The following RNF139 variants were observed in gnomAD, a reference collection of about 807,000 sequenced individuals.
RNF139 encodes the protein E3 ubiquitin-protein ligase RNF139.
In RNF139, 15 loss-of-function variants were observed where a neutral mutation model predicts 49.5. That is an observed-to-expected ratio of 0.30 (90% CI 0.20 to 0.47). The LOEUF (loss-of-function observed/expected upper bound fraction) is 0.47, where lower values mean the gene tolerates loss of function less well. Among genes scored for constraint, RNF139 ranks in the 20% least tolerant of loss-of-function variants. The probability of loss-of-function intolerance (pLI) is 1.00; values close to 1 mark genes in which losing one functional copy is unlikely to be tolerated. For synonymous variants in RNF139, 325 were observed against 300.9 expected, an observed-to-expected ratio of 1.08 and a Z score of -0.83; for missense variants, 619 against 806.3, an observed-to-expected ratio of 0.77 and a Z score of 2.81.
intron 1 of RNF139, among the ~76,000 whole-genome samples, chr8:124,484,225 A>AT: frequency 6.6e-6 from 1 of 152,276 alleles, no homozygotes; most frequent in Middle Eastern, 3.4e-3. Flanking sequence ...TGGAGCACTG[A>AT]TGTGTGTGTG....
intron 1 of RNF139, among the ~76,000 whole-genome samples, chr8:124,478,632 T>C (rs532714256): frequency 3.3e-5 from 5 of 149,952 alleles, no homozygotes; most frequent in African/African-American, 1.2e-4. Context: ...TCAAAAAAAA[T>C]TTATCAGATT....
chr8:124,476,781 A>T (rs1192052901), intron 1 of RNF139, among the ~76,000 whole-genome samples: 3 of 152,224 alleles, frequency 2.0e-5, no homozygotes, highest in African/African-American at 7.2e-5. Flanking sequence ...AGATTCTGTG[A>T]GAATCCCTTT....
intron 1 of RNF139, among the ~76,000 whole-genome samples, chr8:124,477,745 C>T (rs1034137404): frequency 2.0e-5 from 3 of 152,050 alleles, no homozygotes; most frequent in Admixed American, 2.0e-4. Context: ...GAAACTCAAC[C>T]CAGAGCAGCA....
At position 124,486,129 on chromosome 8, in the gene RNF139, G is replaced by C. The variant is rs1167036699; in HGVS notation, c.480G>C (p.Leu160Phe). 1.9e-6 allele frequency: 3 copies of C among 1,613,954 alleles called. No homozygotes were observed. Among genetic ancestry groups the C allele is most frequent in the African/African-American group, 1.3e-5 (1 of 74,900 alleles). The change falls in exon 2 of 2, where the codon TTG (leucine) becomes TTC (phenylalanine). Residue 160 changes from leucine to phenylalanine, a missense_variant. Leu to Phe is a conservative substitution (Grantham distance 22). Coordinates refer to ENST00000303545, the MANE Select transcript of RNF139 (RefSeq NM_007218.4). The stretch of plus-strand genomic sequence containing the variant: ...CACAATTAATTATTTTGGATCTCTT[G>C]GTTCCTGTAATAGGCTTAATCACAG... The part of the protein sequence containing the change: ...IYSQLIILDL[L>F]VPVIGLITEL...
At position 124,487,740 on chromosome 8, in the gene RNF139, CAA is replaced by C. The variant is rs1816566529; in HGVS notation, c.*100_*101del. 2 of 1,199,152 alleles carry C rather than the reference CAA, an allele frequency of 1.7e-6. No homozygotes were observed. Among genetic ancestry groups the C allele is most frequent in the Non-Finnish European group, 2.3e-6 (2 of 868,856 alleles). 74.3% of individuals were successfully genotyped at this position (1,199,152 alleles called of 1,614,324 possible). ...TTCACCTTCAGTGTGTAACCAAGCACAAAAACAGTATCAATGTTGAATCTGTG... is the reference window on the plus strand; with the variant it reads ...TTCACCTTCAGTGTGTAACCAAGCACAAACAGTATCAATGTTGAATCTGTG... On this transcript the variant is annotated 3_prime_UTR_variant, in exon 2 of 2. Coordinates refer to ENST00000303545, the MANE Select transcript of RNF139 (RefSeq NM_007218.4).
rs1443190883 is a variant in RNF139, at chr8:124,482,943, A to AT, written c.182-2888_182-2887insT. On this transcript the variant is annotated intron_variant, in intron 1 of 1. Coordinates refer to ENST00000303545, the MANE Select transcript of RNF139 (RefSeq NM_007218.4). ...CTCCATTAAAAAAAATATAAAAAAA[A>AT]ATATATATATATATAATATATATAT... 7.9e-4 allele frequency among the ~76,000 whole-genome samples: 75 copies of AT among 94,594 alleles called. 7 individuals carry two copies. The South Asian group carries it at 9.5e-3, about 12-fold the overall frequency. The allele number at this position is 94,594 out of a possible 152,430, so 62.1% of individuals were successfully genotyped here.
chr8:124,486,003 G>A lies in RNF139; in HGVS notation c.354G>A (p.Leu118=), dbSNP rs199713239. ...ACACGTCAGCTTTTGGAATTGAGCT[G>A]CTTCCTCGAAAAGGTCCCTCGCTGT... ...AYNTSAFGIE[L]LPRKGPSLWM... is the part of the protein sequence containing the mutation. The change falls in exon 2 of 2, where the codon CTG becomes CTA. Residue 118 remains leucine (L), a synonymous_variant. Coordinates refer to ENST00000303545, the MANE Select transcript of RNF139 (RefSeq NM_007218.4). 3 of 1,614,148 alleles carry A rather than the reference G, an allele frequency of 1.9e-6. No individual in the cohort carries two copies. The East Asian group carries it at 6.7e-5, about 36-fold the overall frequency.
rs1459365344 is a variant in RNF139 at position 124,486,927 on chromosome 8, T to G, written c.1278T>G (p.Phe426Leu). The G allele has an allele frequency of 6.2e-7, 1 of 1,613,990 alleles. No homozygotes were observed. Among genetic ancestry groups the G allele is most frequent in the Non-Finnish European group, 8.5e-7 (1 of 1,180,022 alleles). Residue 426 changes from phenylalanine (F) to leucine (L), a missense_variant, in exon 2 of 2, where the codon TTT (phenylalanine) becomes TTG (leucine). By Grantham distance (22) the Phe-to-Leu change is conservative (BLOSUM62 0). This residue lies in a region of RNF139 where 530 missense variants were observed against 728.9 expected (regional missense o/e 0.73). Transcript: ENST00000303545. ...CATGGTTGTTTGCAGTTACAGCATT[T>G]TGTGTGGAACTGTGCTTAAAAGTAA... is the stretch of plus-strand genomic sequence containing the variant. ...LNTWLFAVTA[F>L]CVELCLKVIV...
chr8:124,483,071 T>TAA (rs1816468308), intron 1 of RNF139, among the ~76,000 whole-genome samples: 2 of 68,920 alleles, frequency 2.9e-5, no homozygotes, highest in Admixed American at 1.9e-4. Flanking sequence ...AATATATATA[T>TAA]ATTATTTAAA....
intron 1 of RNF139, among the ~76,000 whole-genome samples, chr8:124,482,543 T>G (rs753606339): frequency 2.6e-5 from 4 of 152,106 alleles, no homozygotes; most frequent in African/African-American, 9.7e-5. Flanking sequence ...TGGTTTTCCA[T>G]GTAGAGAATG....
intron 1 of RNF139, among the ~76,000 whole-genome samples, chr8:124,481,694 T>G (rs1156982265): frequency 6.6e-6 from 1 of 152,042 alleles, no homozygotes; most frequent in East Asian, 1.9e-4. Flanking sequence ...TTCTCAAAAT[T>G]TTTTATAAAG....
In RNF139 at chr8:124,487,432, A is replaced by G. The variant is rs1402344792; in HGVS notation, c.1783A>G (p.Ile595Val). ...TCAGAAAGTATACATCGAAGATGAT[A>G]TCAAGGATAATTCAAATGTATCTAA... ...CHQKVYIEDDIKDNSNVSNNN... is the reference protein window; with the variant it reads ...CHQKVYIEDDVKDNSNVSNNN... Residue 595 changes from isoleucine (I) to valine (V), a missense_variant, in exon 2 of 2, where the codon ATC (isoleucine) becomes GTC (valine). Ile to Val is a conservative substitution (Grantham distance 29). Around this residue, in one of 2 missense-constraint regions of RNF139, gnomAD observed 530 missense variants for 728.9 expected, o/e 0.73. Transcript: ENST00000303545. 1.2e-6 allele frequency: 2 copies of G among 1,614,002 alleles called. No homozygotes were observed. The highest frequency in any genetic ancestry group is 1.3e-5 in the African/African-American group (1 of 74,936).
At position 124,476,646 on chromosome 8, in the gene RNF139, A is replaced by C. The variant is rs141588148; in HGVS notation, c.181+1356A>C. ...CTAATTCCAGCCTTTCCTACTTGCC[A>C]CTGCTAACGTATACCACCACCATAA... On this transcript the variant is annotated intron_variant, in intron 1 of 1. Transcript: ENST00000303545. 8.9e-3 allele frequency among the ~76,000 whole-genome samples: 1,359 copies of C among 152,284 alleles called. 63 individuals carry two copies. The highest frequency in any genetic ancestry group is 0.07 in the Admixed American group (1,073 of 15,284).
At chr8:124,475,656 T>C (rs1816302115) in intron 1 of RNF139, among the ~76,000 whole-genome samples, 1 of 152,238 alleles carries the variant, frequency 6.6e-6, no homozygotes, top group Non-Finnish European at 1.5e-5. Context: ...GTGTGTGACC[T>C]TGGACTTCTG....
At position 124,487,414 on chromosome 8, in the gene RNF139, G is replaced by T. The variant is rs1364802790; in HGVS notation, c.1765G>T (p.Val589Leu). 2.5e-6 allele frequency: 4 copies of T among 1,613,986 alleles called. No homozygotes were observed. The African/African-American group carries it at 4.0e-5, about 16-fold the overall frequency. Residue 589 changes from valine to leucine, a missense_variant, in exon 2 of 2, where the codon GTA (valine) becomes TTA (leucine). Val to Leu is a conservative substitution (Grantham distance 32, BLOSUM62 1). Around this residue, in one of 2 missense-constraint regions of RNF139, gnomAD observed 530 missense variants for 728.9 expected, o/e 0.73. Coordinates refer to ENST00000303545, the MANE Select transcript of RNF139 (RefSeq NM_007218.4). The part of the protein sequence containing the change: ...QDTCPMCHQK[V>L]YIEDDIKDNS... ...TACTTGTCCAATGTGCCATCAGAAA[G>T]TATACATCGAAGATGATATCAAGGA...
At chr8:124,482,091 G>A (rs1816423446) in intron 1 of RNF139, among the ~76,000 whole-genome samples, 1 of 152,076 alleles carries the variant, frequency 6.6e-6, no homozygotes, top group Non-Finnish European at 1.5e-5. Flanking sequence ...TTTTAATCAG[G>A]ATAGAGTATT....
chr8:124,483,620 G>C (rs923357169), intron 1 of RNF139, among the ~76,000 whole-genome samples: 1 of 151,924 alleles, frequency 6.6e-6, no homozygotes, highest in African/African-American at 2.4e-5. Flanking sequence ...TTTTGGTAGA[G>C]ACAGGGTTTC....
chr8:124,481,049 T>A (rs899693994), intron 1 of RNF139, among the ~76,000 whole-genome samples: 8 of 152,332 alleles, frequency 5.3e-5, no homozygotes, highest in African/African-American at 1.9e-4. Flanking sequence ...GCATACTTAT[T>A]ATAAGTTTAG....
At position 124,487,191 on chromosome 8, in the gene RNF139, T is replaced by C; in HGVS notation, c.1542T>C (p.Asn514=). 6.2e-7 allele frequency: 1 copy of C among 1,614,024 alleles called. No homozygotes were observed. The highest frequency in any genetic ancestry group is 2.2e-5 in the East Asian group (1 of 44,868). ...AYFNIYLQAK[N]GWKTFMNRRT... is the part of the protein sequence containing the mutation. ...TTAACATCTACTTACAAGCCAAAAATGGCTGGAAGACATTTATGAATCGTA... is the reference window on the plus strand; with the variant it reads ...TTAACATCTACTTACAAGCCAAAAACGGCTGGAAGACATTTATGAATCGTA... Residue 514 remains asparagine, a synonymous_variant, in exon 2 of 2, where the codon AAT becomes AAC. Transcript: ENST00000303545.
Sources: gnomAD v4.1 joint callset for allele counts (sites outside exome capture counted in the v4.1 genomes callset) on GRCh38, gnomAD v4.1.1 for gene constraint, gnomAD v4.1.1 regional missense constraint, MANE v1.5 for transcripts, NCBI Gene and HGNC (gene_info 2026-07-23, HGNC 2026-07-21) for gene names.